DPP6: variants seen among roughly 807,000 people sequenced by gnomAD.
The protein encoded by DPP6 is A-type potassium channel modulatory protein DPP6.
A neutral mutation model predicts 122.6 loss-of-function variants in DPP6; 69 were observed. The observed-to-expected ratio is 0.56, with a 90% CI of 0.46 to 0.69. The LOEUF is 0.69. DPP6 is among the 30% of genes least tolerant of loss of function. The pLI, the probability that DPP6 is intolerant of heterozygous loss-of-function variation, is 0.00. For synonymous variants in DPP6, 418 were observed against 433.1 expected, an observed-to-expected ratio of 0.97 and a Z score of 0.43; for missense variants, 928 against 1,116.9, an observed-to-expected ratio of 0.83 and a Z score of 2.41.
intron 1 of DPP6, among the ~76,000 whole-genome samples, chr7:154,429,180 T>TTA (rs1554546620): frequency 6.8e-6 from 1 of 146,120 alleles, no homozygotes; most frequent in Non-Finnish European, 1.5e-5. Flanking sequence ...CTTAATCTGT[T>TTA]AAAAAAAAAA....
chr7:154,518,696 C>G (rs913996866), intron 3 of DPP6, among the ~76,000 whole-genome samples: 2 of 152,192 alleles, frequency 1.3e-5, no homozygotes, highest in Non-Finnish European at 2.9e-5. Context: ...GCCTAAGTTA[C>G]TCAGATGTCT....
intron 1 of DPP6, among the ~76,000 whole-genome samples, chr7:154,394,664 A>G (rs374427578): frequency 7.9e-5 from 12 of 152,160 alleles, no homozygotes; most frequent in Non-Finnish European, 1.8e-4. Context: ...GAAATCATGG[A>G]CAAACCAAAT....
At chr7:154,195,339 G>A (rs1386725953) in intron 1 of DPP6, among the ~76,000 whole-genome samples, 4 of 152,172 alleles carry the variant, frequency 2.6e-5, no homozygotes, top group South Asian at 2.1e-4. Flanking sequence ...TACAAGGGCC[G>A]CTCCAGGAGC....
chr7:153,988,985 G>C (rs1467241012), intron 1 of DPP6, among the ~76,000 whole-genome samples: 2 of 150,660 alleles, frequency 1.3e-5, no homozygotes, highest in African/African-American at 4.9e-5. Context: ...CAGAAAAAGG[G>C]ATTAGCGTTT....
intron 1 of DPP6, among the ~76,000 whole-genome samples, chr7:154,163,772 C>G (rs1797095763): frequency 6.6e-6 from 1 of 152,146 alleles, no homozygotes; most frequent in Non-Finnish European, 1.5e-5. Flanking sequence ...TCCAGGATCT[C>G]TGGGGCTGGG....
upstream of DPP6, among the ~76,000 whole-genome samples, chr7:154,051,610 G>C (rs1234806716): frequency 6.7e-6 from 1 of 149,274 alleles, no homozygotes; most frequent in South Asian, 2.1e-4. Context: ...CCTCGCTCTC[G>C]GCGGGCACAG....
At chr7:154,024,271 ATATAGT>A (rs1157713215) in intron 1 of DPP6, among the ~76,000 whole-genome samples, 5 of 152,216 alleles carry the variant, frequency 3.3e-5, no homozygotes, top group Non-Finnish European at 7.3e-5. Context: ...TGATCAGTAG[ATATAGT>A]TATATGTGAG....
At chr7:154,722,408 T>C (rs1841864453) in intron 7 of DPP6, among the ~76,000 whole-genome samples, 1 of 152,214 alleles carries the variant, frequency 6.6e-6, no homozygotes, top group African/African-American at 2.4e-5. Flanking sequence ...TTAGGGCCAA[T>C]GACATCCCTA....
intron 1 of DPP6, among the ~76,000 whole-genome samples, chr7:154,295,014 G>T (rs898681053): frequency 2.6e-5 from 4 of 152,190 alleles, no homozygotes; most frequent in African/African-American, 9.6e-5. Context: ...TGCCATCGAG[G>T]GCCAACCTGT....
chr7:154,131,689 G>T (rs568980460), intron 1 of DPP6, among the ~76,000 whole-genome samples: 1 of 152,274 alleles, frequency 6.6e-6, no homozygotes, highest in East Asian at 1.9e-4. Context: ...AACTAACCTC[G>T]TCTGTAGGGA....
At chr7:154,723,146 C>G (rs1012124273) in intron 7 of DPP6, among the ~76,000 whole-genome samples, 17 of 152,080 alleles carry the variant, frequency 1.1e-4, no homozygotes, top group African/African-American at 4.1e-4. Flanking sequence ...GTAGTCCCAG[C>G]TACTTGGGAG....
chr7:154,156,542 A>T (rs1796690388), intron 1 of DPP6, among the ~76,000 whole-genome samples: 1 of 152,222 alleles, frequency 6.6e-6, no homozygotes, highest in African/African-American at 2.4e-5. Flanking sequence ...CTTTGGTAAG[A>T]TGTGATCAGA....
intron 1 of DPP6, among the ~76,000 whole-genome samples, chr7:154,329,171 G>A (rs199785826): frequency 2.1e-4 from 32 of 152,224 alleles, no homozygotes; most frequent in East Asian, 1.5e-3. Context: ...TGAAAGCTCC[G>A]GTGTACACAT....
intron 3 of DPP6, among the ~76,000 whole-genome samples, chr7:154,539,102 G>C (rs1828498959): frequency 6.6e-6 from 1 of 152,118 alleles, no homozygotes; most frequent in Admixed American, 6.5e-5. Flanking sequence ...ATGTTTTTCA[G>C]TCATCAACTA....
intron 18 of DPP6, among the ~76,000 whole-genome samples, chr7:154,869,198 C>T (rs1275338833): frequency 6.6e-6 from 1 of 152,172 alleles, no homozygotes; most frequent in Non-Finnish European, 1.5e-5. Context: ...TTTGTCTGCC[C>T]TTCCCTGACA....
chr7:154,168,246 T>G (rs548389288), intron 1 of DPP6, among the ~76,000 whole-genome samples: 2 of 152,258 alleles, frequency 1.3e-5, no homozygotes, highest in Admixed American at 1.3e-4. Context: ...TAGAAGACCT[T>G]GCCTTATTAT....
At chr7:154,880,862 C>A (rs755719224) in intron 20 of DPP6, 26 bp from the exon 21 acceptor site, 1 of 1,613,926 alleles carries the variant, frequency 6.2e-7, no homozygotes, top group Admixed American at 1.7e-5. Context: ...TGCACTGAAC[C>A]CTCTTTCCCC....
At chr7:153,988,966 T>G (rs1796992862) in intron 1 of DPP6, among the ~76,000 whole-genome samples, 2 of 150,276 alleles carry the variant, frequency 1.3e-5, no homozygotes, top group South Asian at 4.3e-4. Flanking sequence ...ACACGGGGAT[T>G]TCTCCGCGCA....
At chr7:154,866,432 G>A (rs1803883663) in intron 17 of DPP6, among the ~76,000 whole-genome samples, 1 of 152,238 alleles carries the variant, frequency 6.6e-6, no homozygotes, top group East Asian at 1.9e-4. Context: ...GCCCCTTGGG[G>A]TGGAGTGCAC....
Sources: gnomAD v4.1 joint callset for allele counts (sites outside exome capture counted in the v4.1 genomes callset) on GRCh38, gnomAD v4.1.1 for gene constraint, MANE v1.5 for transcripts, NCBI Gene and HGNC (gene_info 2026-07-23, HGNC 2026-07-21) for gene names.